Variants in AGBL4 observed in about 807,000 individuals in gnomAD.
AGBL4 encodes AGBL carboxypeptidase 4, also known as cytosolic carboxypeptidase 6.
Under a neutral mutation model 66.4 loss-of-function variants are expected in AGBL4, and 58 were observed. That is an observed-to-expected ratio of 0.87 (90% CI 0.71 to 1.09). The LOEUF is 1.09. Among genes scored for constraint, AGBL4 ranks in the 50% least tolerant of loss-of-function variants. The pLI is 0.00. For synonymous variants in AGBL4, 234 were observed against 222.9 expected, an observed-to-expected ratio of 1.05 and a Z score of -0.44; for missense variants, 579 against 631.0, an observed-to-expected ratio of 0.92 and a Z score of 0.88.
intron 6 of AGBL4, among the ~76,000 whole-genome samples, chr1:48,756,716 C>T (rs1643949706): frequency 6.6e-6 from 1 of 152,212 alleles, no homozygotes; most frequent in Non-Finnish European, 1.5e-5. Context: ...ACATTAGCAT[C>T]CTCCTATTAA....
intron 3 of AGBL4, among the ~76,000 whole-genome samples, chr1:49,348,940 T>C (rs566279844): frequency 7.2e-5 from 11 of 152,362 alleles, no homozygotes; most frequent in Admixed American, 2.0e-4. Flanking sequence ...ATAGCAAACC[T>C]ATCTTTATAC....
At chr1:49,179,350 G>A (rs963071044) in intron 4 of AGBL4, among the ~76,000 whole-genome samples, 10 of 151,840 alleles carry the variant, frequency 6.6e-5, no homozygotes, top group Non-Finnish European at 1.3e-4. Context: ...TATATATAGG[G>A]GGTTATAAAA....
At chr1:48,539,565 A>G (rs987708720) in intron 12 of AGBL4, 77 bp downstream of exon 12, 4 of 1,181,480 alleles carry the variant, frequency 3.4e-6, no homozygotes, top group East Asian at 2.9e-5. Flanking sequence ...GTGTCAGCAA[A>G]AGGCTAAGGG....
At chr1:48,651,954 T>C (rs950588602) in intron 8 of AGBL4, among the ~76,000 whole-genome samples, 1 of 152,212 alleles carries the variant, frequency 6.6e-6, no homozygotes, top group Middle Eastern at 3.2e-3. Flanking sequence ...CTGCTAGGCA[T>C]GAGGGACACA....
chr1:49,347,800 C>T (rs1347278858), intron 3 of AGBL4, among the ~76,000 whole-genome samples: 1 of 151,750 alleles, frequency 6.6e-6, no homozygotes, highest in Non-Finnish European at 1.5e-5. Context: ...GCAGACGTTG[C>T]AGTGAGCCAA....
chr1:50,001,829 C>T (rs1398634035), intron 1 of AGBL4, among the ~76,000 whole-genome samples: 1 of 152,070 alleles, frequency 6.6e-6, no homozygotes, highest in African/African-American at 2.4e-5. Flanking sequence ...AATTGACAAT[C>T]AATCTAATCT....
chr1:48,566,982 C>T (rs1644487823), intron 11 of AGBL4, among the ~76,000 whole-genome samples: 1 of 152,188 alleles, frequency 6.6e-6, no homozygotes, highest in African/African-American at 2.4e-5. Context: ...AATTAAAAAA[C>T]TGCATGAGTC....
At chr1:49,712,205 C>G (rs2124662044) in intron 2 of AGBL4, among the ~76,000 whole-genome samples, 1 of 151,940 alleles carries the variant, frequency 6.6e-6, no homozygotes, top group East Asian at 1.9e-4. Flanking sequence ...AATATGGGCT[C>G]TGGTTCATCC....
chr1:49,332,460 G>A (rs1645354163), intron 3 of AGBL4, among the ~76,000 whole-genome samples: 1 of 152,156 alleles, frequency 6.6e-6, no homozygotes, highest in African/African-American at 2.4e-5. Flanking sequence ...AAACTTCATT[G>A]TTCCATAAAG....
intron 2 of AGBL4, among the ~76,000 whole-genome samples, chr1:49,715,548 C>G (rs917903697): frequency 6.6e-6 from 1 of 152,158 alleles, no homozygotes. Flanking sequence ...ACACTGTCTT[C>G]CACAATGGTT....
At chr1:49,134,157 T>G (rs1645958500) in intron 4 of AGBL4, among the ~76,000 whole-genome samples, 1 of 150,914 alleles carries the variant, frequency 6.6e-6, no homozygotes, top group South Asian at 2.1e-4. Context: ...GGGAAGGGAG[T>G]GTACGAATAG....
At chr1:49,903,348 C>A (rs574362547) in intron 1 of AGBL4, among the ~76,000 whole-genome samples, 2 of 152,118 alleles carry the variant, frequency 1.3e-5, no homozygotes, top group East Asian at 3.9e-4. Flanking sequence ...CCAGAGCCCA[C>A]TTGAGGGTGG....
chr1:48,740,643 T>C (rs1649773852), intron 6 of AGBL4, among the ~76,000 whole-genome samples: 1 of 152,154 alleles, frequency 6.6e-6, no homozygotes, highest in South Asian at 2.1e-4. Flanking sequence ...TTGATCAAAA[T>C]ATATTTATGT....
intron 1 of AGBL4, among the ~76,000 whole-genome samples, chr1:49,878,701 T>C (rs1193818616): frequency 6.6e-6 from 1 of 151,572 alleles, no homozygotes; most frequent in Non-Finnish European, 1.5e-5. Flanking sequence ...CTGAGTTCAA[T>C]TCCTGGGTAT....
rs948253633 is a variant in AGBL4, at chr1:48,592,878, T to A, written c.952-1893A>T. 1.3e-5 allele frequency among the ~76,000 whole-genome samples: 2 copies of A among 152,160 alleles called. 1 individual carries two copies. The highest frequency in any genetic ancestry group is 4.1e-4 in the South Asian group (2 of 4,830). On this transcript the variant is annotated intron_variant, in intron 9 of 13. Transcript: ENST00000371839. ...AAATTTTTTTGAAAAAAATTAAATT[T>A]AAAAAACTTATTCATATAAATTTAT...
At chr1:49,202,213 A>G (rs1006119624) in intron 4 of AGBL4, among the ~76,000 whole-genome samples, 2 of 152,208 alleles carry the variant, frequency 1.3e-5, no homozygotes, top group African/African-American at 2.4e-5. Flanking sequence ...ATGGAAATCA[A>G]TAGTTGTTTA....
chr1:48,600,776 G>C (rs558550244), intron 9 of AGBL4, among the ~76,000 whole-genome samples: 7 of 152,268 alleles, frequency 4.6e-5, no homozygotes, highest in East Asian at 1.9e-4. Flanking sequence ...CTAATGCTTA[G>C]GTGTGGAGAA....
At chr1:49,673,026 AT>A (rs1337642593) in intron 3 of AGBL4, among the ~76,000 whole-genome samples, 5 of 152,040 alleles carry the variant, frequency 3.3e-5, no homozygotes, top group African/African-American at 1.2e-4. Context: ...AAAATCAGTA[AT>A]GAAAGCTAGG....
intron 3 of AGBL4, among the ~76,000 whole-genome samples, chr1:49,684,186 T>C (rs1391806570): frequency 1.3e-5 from 2 of 152,170 alleles, no homozygotes; most frequent in African/African-American, 4.8e-5. Context: ...TTTATTGTTT[T>C]TGTTCTGCCA....
Sources: gnomAD v4.1 joint callset for allele counts (sites outside exome capture counted in the v4.1 genomes callset) on GRCh38, gnomAD v4.1.1 for gene constraint, MANE v1.5 for transcripts, NCBI Gene and HGNC (gene_info 2026-07-23, HGNC 2026-07-21) for gene names.